The following CNTNAP4 variants were observed in gnomAD, a reference collection of about 807,000 sequenced individuals.
The protein encoded by CNTNAP4 is contactin associated protein family member 4, also known as contactin-associated protein-like 4.
A neutral mutation model predicts 148.4 loss-of-function variants in CNTNAP4; 98 were observed. The observed-to-expected ratio is 0.66, with a 90% CI of 0.56 to 0.78. The LOEUF (loss-of-function observed/expected upper bound fraction) is 0.78, where lower values mean the gene tolerates loss of function less well. Ranked by LOEUF, CNTNAP4 falls within the 30% of genes least tolerant of loss-of-function variation. CNTNAP4 has a pLI of 0.00. For missense variants in CNTNAP4, 1,935 were observed against 1,565.6 expected (o/e 1.24, Z -3.98); for synonymous variants, 730 against 565.1 (o/e 1.29, Z -4.14).
At chr16:76,514,599 T>A (rs2083171196) in intron 15 of CNTNAP4, among the ~76,000 whole-genome samples, 1 of 152,176 alleles carries the variant, frequency 6.6e-6, no homozygotes, top group Non-Finnish European at 1.5e-5. Context: ...AGGGGGTGTT[T>A]ATGGAAACAT....
intron 3 of CNTNAP4, among the ~76,000 whole-genome samples, chr16:76,374,566 T>C (rs1276262899): frequency 6.6e-6 from 1 of 151,998 alleles, no homozygotes; most frequent in Admixed American, 6.5e-5. Context: ...TGGAAATAAA[T>C]TGGTCTGTCC....
intron 21 of CNTNAP4, among the ~76,000 whole-genome samples, chr16:76,548,042 C>T (rs1030848230): frequency 6.6e-6 from 1 of 152,230 alleles, no homozygotes; most frequent in Non-Finnish European, 1.5e-5. Context: ...ATACCTGCCA[C>T]TGTAAGATAG....
At chr16:76,290,133 G>A (rs1959055850) in intron 1 of CNTNAP4, among the ~76,000 whole-genome samples, 1 of 152,168 alleles carries the variant, frequency 6.6e-6, no homozygotes, top group South Asian at 2.1e-4. Flanking sequence ...ACACAGGCCT[G>A]TGAGACAAGT....
chr16:76,369,496 C>G (rs969343005), intron 3 of CNTNAP4, among the ~76,000 whole-genome samples: 1 of 152,068 alleles, frequency 6.6e-6, no homozygotes, highest in African/African-American at 2.4e-5. Flanking sequence ...TCTGAAGACC[C>G]AAGGACCAGA....
intron 3 of CNTNAP4, among the ~76,000 whole-genome samples, chr16:76,405,186 A>C (rs1306029367): frequency 6.6e-6 from 1 of 151,256 alleles, no homozygotes; most frequent in Non-Finnish European, 1.5e-5. Flanking sequence ...TCACTATGAC[A>C]CTTATAAACA....
intron 1 of CNTNAP4, among the ~76,000 whole-genome samples, chr16:76,293,606 A>T (rs1959174890): frequency 6.6e-6 from 1 of 152,044 alleles, no homozygotes; most frequent in African/African-American, 2.4e-5. Context: ...TTGTATAATC[A>T]ATTTTTAGGT....
At chr16:76,301,695 G>C (rs7200319) in intron 1 of CNTNAP4, among the ~76,000 whole-genome samples, 3,730 of 152,232 alleles carry the variant, frequency 0.025, 154 homozygotes, top group African/African-American at 0.084. Context: ...TTTTGCAAAA[G>C]AGGAAAGATT....
intron 4 of CNTNAP4, among the ~76,000 whole-genome samples, chr16:76,436,701 T>C (rs954976043): frequency 2.6e-5 from 4 of 152,150 alleles, no homozygotes; most frequent in Admixed American, 1.3e-4. Context: ...CTAAACTCCT[T>C]ACCTCTCACA....
chr16:76,292,571 C>T (rs1266745471), intron 1 of CNTNAP4, among the ~76,000 whole-genome samples: 1 of 152,218 alleles, frequency 6.6e-6, no homozygotes, highest in African/African-American at 2.4e-5. Context: ...TTGTAACCAT[C>T]AGCCTAGTGT....
At chr16:76,496,084 G>GTT (rs1450462999) in intron 14 of CNTNAP4, among the ~76,000 whole-genome samples, 10 of 34,636 alleles carry the variant, frequency 2.9e-4, no homozygotes, top group Non-Finnish European at 7.4e-5. Context: ...TCAAGATTAT[G>GTT]TTGTGTGTGT....
chr16:76,406,591 T>G (rs1015908846), intron 3 of CNTNAP4, among the ~76,000 whole-genome samples: 11 of 152,048 alleles, frequency 7.2e-5, no homozygotes, highest in Admixed American at 7.2e-4. Context: ...AGAAAAAGTT[T>G]GTGAAGAGAA....
intron 3 of CNTNAP4, among the ~76,000 whole-genome samples, chr16:76,416,716 A>G (rs2078998473): frequency 6.6e-6 from 1 of 151,356 alleles, no homozygotes; most frequent in Non-Finnish European, 1.5e-5. Context: ...TTGTTGGGTG[A>G]AATGTTCTCA....
intron 15 of CNTNAP4, among the ~76,000 whole-genome samples, chr16:76,500,599 C>CT (rs5818000): frequency 1.1e-4 from 17 of 148,508 alleles, no homozygotes; most frequent in South Asian, 6.3e-4. Context: ...CTGTAAATCT[C>CT]TTTTTTTTTT....
chr16:76,289,568 T>C (rs182311499), intron 1 of CNTNAP4, among the ~76,000 whole-genome samples: 8 of 151,904 alleles, frequency 5.3e-5, no homozygotes, highest in Admixed American at 1.3e-4. Flanking sequence ...TTCCAAACTT[T>C]TATTTTCCGC....
intron 3 of CNTNAP4, among the ~76,000 whole-genome samples, chr16:76,394,153 C>T (rs1004570998): frequency 6.6e-6 from 1 of 152,102 alleles, no homozygotes; most frequent in African/African-American, 2.4e-5. Context: ...TTCAACTTAT[C>T]ATTTGGCATT....
At chr16:76,366,859 C>A (rs1222703433) in intron 3 of CNTNAP4, among the ~76,000 whole-genome samples, 4 of 152,054 alleles carry the variant, frequency 2.6e-5, no homozygotes, top group African/African-American at 9.7e-5. Context: ...TAGAAGAACA[C>A]TTGATTAAAT....
At chr16:76,293,301 G>A (rs886087052) in intron 1 of CNTNAP4, among the ~76,000 whole-genome samples, 1 of 151,778 alleles carries the variant, frequency 6.6e-6, no homozygotes, top group African/African-American at 2.4e-5. Context: ...ATTTTTGTAT[G>A]TTTAGTAGAG....
At chr16:76,284,389 C>A (rs1472618295) in intron 1 of CNTNAP4, among the ~76,000 whole-genome samples, 2 of 151,814 alleles carry the variant, frequency 1.3e-5, no homozygotes, top group Non-Finnish European at 2.9e-5. Context: ...TGATTTTGAT[C>A]ACTTTAAAAA....
chr16:76,320,845 A>C (rs9934361), intron 2 of CNTNAP4, among the ~76,000 whole-genome samples: 84,716 of 151,938 alleles, frequency 0.56, 23,841 homozygotes, highest in Admixed American at 0.63. Flanking sequence ...CAAATTGATA[A>C]ATTTGTGTAC....
Sources: gnomAD v4.1 joint callset for allele counts (sites outside exome capture counted in the v4.1 genomes callset) on GRCh38, gnomAD v4.1.1 for gene constraint, MANE v1.5 for transcripts, NCBI Gene and HGNC (gene_info 2026-07-23, HGNC 2026-07-21) for gene names.